Variants in PBX3 observed in about 807,000 individuals in gnomAD.
The protein encoded by PBX3 is pre-B-cell leukemia transcription factor 3.
A neutral mutation model predicts 48.5 loss-of-function variants in PBX3; 14 were observed. That is an observed-to-expected ratio of 0.29 (90% CI 0.19 to 0.45). The LOEUF is 0.45. PBX3 is among the 20% of genes least tolerant of loss of function. The probability of loss-of-function intolerance (pLI) is 1.00; values close to 1 mark genes in which losing one functional copy is unlikely to be tolerated. For synonymous variants in PBX3, 210 were observed against 200.3 expected, an observed-to-expected ratio of 1.05 and a Z score of -0.41; for missense variants, 386 against 546.7, an observed-to-expected ratio of 0.71 and a Z score of 2.93.
chr9:125,905,231 A>G (rs1277384111), intron 2 of PBX3, among the ~76,000 whole-genome samples: 3 of 151,958 alleles, frequency 2.0e-5, no homozygotes, highest in Non-Finnish European at 4.4e-5. Flanking sequence ...CATCCTCCTT[A>G]AATTGACTTT....
intron 2 of PBX3, among the ~76,000 whole-genome samples, chr9:125,807,816 A>T (rs1838171729): frequency 1.3e-5 from 2 of 152,180 alleles, no homozygotes. Flanking sequence ...ATGCACCTTG[A>T]CACCAGGAAA....
chr9:125,896,942 T>C (rs2132405041), intron 2 of PBX3, among the ~76,000 whole-genome samples: 1 of 152,142 alleles, frequency 6.6e-6, no homozygotes, highest in African/African-American at 2.4e-5. Flanking sequence ...CTGTTTCCTT[T>C]CCTGTTCATC....
At chr9:125,826,306 C>T (rs979528376) in intron 2 of PBX3, among the ~76,000 whole-genome samples, 4 of 152,062 alleles carry the variant, frequency 2.6e-5, no homozygotes, top group Non-Finnish European at 5.9e-5. Flanking sequence ...ATTCTCATAT[C>T]TTGATTATTT....
chr9:125,862,798 A>T (rs1839892341), intron 2 of PBX3, among the ~76,000 whole-genome samples: 1 of 152,234 alleles, frequency 6.6e-6, no homozygotes, highest in African/African-American at 2.4e-5. Context: ...AATGTTTCAG[A>T]AGAGTCAGAT....
chr9:125,954,391 T>A (rs981934511), intron 5 of PBX3, among the ~76,000 whole-genome samples: 9 of 152,256 alleles, frequency 5.9e-5, no homozygotes, highest in Non-Finnish European at 8.8e-5. Flanking sequence ...AAAACAATTT[T>A]AAATTTTCAA....
At chr9:125,865,209 T>A (rs1839951077) in intron 2 of PBX3, 1 of 168,920 alleles carries the variant, frequency 5.9e-6, no homozygotes, top group South Asian at 2.0e-4. Context: ...AAAATGATTT[T>A]CTATATGGCC....
intron 3 of PBX3, among the ~76,000 whole-genome samples, chr9:125,927,106 A>T (rs1841594759): frequency 6.6e-6 from 1 of 152,234 alleles, no homozygotes. Flanking sequence ...AAACCTATCC[A>T]TTGACTGCAG....
intron 2 of PBX3, among the ~76,000 whole-genome samples, chr9:125,818,199 CAAAAAAACCAA>C (rs1838525455): frequency 2.9e-5 from 4 of 139,922 alleles, no homozygotes; most frequent in African/African-American, 1.1e-4. Flanking sequence ...CCTTTCGTCT[CAAAAAAACCAA>C]AAAAAAAACA....
chr9:125,886,317 T>C (rs1379977353), intron 2 of PBX3, among the ~76,000 whole-genome samples: 1 of 152,092 alleles, frequency 6.6e-6, no homozygotes, highest in Non-Finnish European at 1.5e-5. Flanking sequence ...CTGCCTCTGA[T>C]ATGGGAGGGG....
intron 2 of PBX3, among the ~76,000 whole-genome samples, chr9:125,758,297 C>CT (rs902949592): frequency 2.3e-4 from 34 of 146,466 alleles, no homozygotes; most frequent in African/African-American, 3.2e-4. Flanking sequence ...AACCAGTTTC[C>CT]TTTTTTTTTT....
intron 2 of PBX3, among the ~76,000 whole-genome samples, chr9:125,847,610 A>G (rs1416265833): frequency 6.6e-6 from 1 of 152,026 alleles, no homozygotes; most frequent in African/African-American, 2.4e-5. Context: ...ATAAAGACCA[A>G]ATATTTATAT....
chr9:125,879,550 A>T (rs1840334402), intron 2 of PBX3, among the ~76,000 whole-genome samples: 1 of 152,228 alleles, frequency 6.6e-6, no homozygotes, highest in Non-Finnish European at 1.5e-5. Context: ...AGAAGTTAGA[A>T]TCATAAAACA....
At chr9:125,802,580 G>A (rs1837990872) in intron 2 of PBX3, among the ~76,000 whole-genome samples, 2 of 151,860 alleles carry the variant, frequency 1.3e-5, no homozygotes, top group African/African-American at 4.8e-5. Flanking sequence ...TGTTGTCCAG[G>A]CTGGTCTCAA....
intron 2 of PBX3, among the ~76,000 whole-genome samples, chr9:125,901,032 C>T (rs1840932750): frequency 6.6e-6 from 1 of 151,656 alleles, no homozygotes; most frequent in South Asian, 2.1e-4. Flanking sequence ...CTTTTAGAAG[C>T]TTATTTAGTT....
At chr9:125,748,342 T>G in intron 1 of PBX3, 1 of 1,268,336 alleles carries the variant, frequency 7.9e-7, no homozygotes, top group East Asian at 3.5e-5. Context: ...GGCAGATGGG[T>G]CCGCCTTGTT....
chr9:125,810,337 G>A (rs1288347436), intron 2 of PBX3, among the ~76,000 whole-genome samples: 1 of 151,434 alleles, frequency 6.6e-6, no homozygotes, highest in Non-Finnish European at 1.5e-5. Flanking sequence ...ATTTTATGTT[G>A]TAATATTAAC....
At chr9:125,776,661 C>G (rs77022438) in intron 2 of PBX3, among the ~76,000 whole-genome samples, 5,399 of 152,170 alleles carry the variant, frequency 0.035, 333 homozygotes, top group African/African-American at 0.12. Flanking sequence ...TCAGCTTCCC[C>G]TCCTGAGTAT....
At chr9:125,866,839 A>T (rs1448963793) in intron 2 of PBX3, among the ~76,000 whole-genome samples, 2 of 152,148 alleles carry the variant, frequency 1.3e-5, no homozygotes, top group Non-Finnish European at 2.9e-5. Context: ...CCAAAGCTAT[A>T]CTTTGGTGAT....
intron 4 of PBX3, among the ~76,000 whole-genome samples, chr9:125,932,917 G>A (rs550135901): frequency 6.6e-6 from 1 of 152,208 alleles, no homozygotes; most frequent in Non-Finnish European, 1.5e-5. Flanking sequence ...ATTGCTGTTA[G>A]TAATGTTGTG....
Sources: gnomAD v4.1 joint callset for allele counts (sites outside exome capture counted in the v4.1 genomes callset) on GRCh38, gnomAD v4.1.1 for gene constraint, MANE v1.5 for transcripts, NCBI Gene and HGNC (gene_info 2026-07-23, HGNC 2026-07-21) for gene names.